The following GRID2 variants were observed in gnomAD, a reference collection of about 807,000 sequenced individuals.
GRID2 encodes the protein glutamate receptor ionotropic, delta-2.
A neutral mutation model predicts 114.8 loss-of-function variants in GRID2; 33 were observed. The ratio of observed to expected loss-of-function variants is 0.29; its 90% CI spans 0.22 to 0.38. The LOEUF is 0.38. Ranked by LOEUF, GRID2 falls within the 10% of genes least tolerant of loss-of-function variation. The pLI is 1.00. For missense variants in GRID2, 1,184 were observed against 1,257.7 expected (o/e 0.94, Z 0.89); for synonymous variants, 505 against 449.9 (o/e 1.12, Z -1.55).
intron 4 of GRID2, among the ~76,000 whole-genome samples, chr4:93,145,453 G>GTATT (rs948645585): frequency 7.1e-6 from 1 of 140,270 alleles, no homozygotes; most frequent in South Asian, 2.2e-4. Flanking sequence ...ATTTGTATTT[G>GTATT]TATTTATTTA....
intron 8 of GRID2, among the ~76,000 whole-genome samples, chr4:93,255,828 T>A (rs1036753336): frequency 6.6e-6 from 1 of 152,098 alleles, no homozygotes; most frequent in Admixed American, 6.6e-5. Context: ...TAGACCTTTA[T>A]TCCTTATAAA....
chr4:92,406,067 A>C (rs1731015728), intron 1 of GRID2, among the ~76,000 whole-genome samples: 1 of 152,100 alleles, frequency 6.6e-6, no homozygotes, highest in Non-Finnish European at 1.5e-5. Context: ...TCTCCTCTTC[A>C]CATTTTTCTT....
chr4:92,987,802 C>G (rs1379016524), intron 2 of GRID2, among the ~76,000 whole-genome samples: 1 of 151,902 alleles, frequency 6.6e-6, no homozygotes, highest in Non-Finnish European at 1.5e-5. Flanking sequence ...AATGCCAACT[C>G]TCTCTAATTA....
intron 2 of GRID2, among the ~76,000 whole-genome samples, chr4:92,948,443 C>G (rs1751801238): frequency 6.6e-6 from 1 of 151,720 alleles, no homozygotes; most frequent in African/African-American, 2.4e-5. Context: ...GGGGTAAATA[C>G]ATGCATTATT....
At chr4:93,379,245 A>G (rs1763641974) in intron 8 of GRID2, among the ~76,000 whole-genome samples, 1 of 152,136 alleles carries the variant, frequency 6.6e-6, no homozygotes. Context: ...CAATAAGACA[A>G]GTAATATATT....
intron 2 of GRID2, among the ~76,000 whole-genome samples, chr4:92,986,669 A>G (rs374957607): frequency 6.6e-6 from 1 of 152,310 alleles, no homozygotes; most frequent in East Asian, 1.9e-4. Flanking sequence ...TGAACTGTGC[A>G]CTGTATTTGC....
chr4:92,850,794 A>G (rs1204085051), intron 2 of GRID2, among the ~76,000 whole-genome samples: 2 of 151,928 alleles, frequency 1.3e-5, no homozygotes, highest in Admixed American at 6.6e-5. Context: ...CCCAAGAGCA[A>G]TTTACTTCCT....
At chr4:93,452,861 A>G (rs1360059487) in intron 10 of GRID2, among the ~76,000 whole-genome samples, 1 of 150,682 alleles carries the variant, frequency 6.6e-6, no homozygotes, top group East Asian at 1.9e-4. Flanking sequence ...AAGTTTTAGA[A>G]CTGTCTTTCT....
At chr4:92,896,994 G>C (rs547575547) in intron 2 of GRID2, among the ~76,000 whole-genome samples, 86 of 151,934 alleles carry the variant, frequency 5.7e-4, no homozygotes, top group African/African-American at 2.1e-3. Flanking sequence ...CACCTTCCTC[G>C]GTCTCCCAAA....
intron 8 of GRID2, among the ~76,000 whole-genome samples, chr4:93,388,641 A>G (rs542689195): frequency 1.0e-3 from 155 of 152,314 alleles, no homozygotes; most frequent in African/African-American, 3.7e-3. Flanking sequence ...TTTGGCCTTT[A>G]TCTTGAGAAT....
chr4:92,670,151 G>A (rs1732987596), intron 2 of GRID2, among the ~76,000 whole-genome samples: 1 of 152,076 alleles, frequency 6.6e-6, no homozygotes, highest in Non-Finnish European at 1.5e-5. Context: ...GGAGAGAGTT[G>A]TAGTAGCCTT....
chr4:92,941,520 C>T (rs997384250), intron 2 of GRID2, among the ~76,000 whole-genome samples: 1 of 152,174 alleles, frequency 6.6e-6, no homozygotes, highest in African/African-American at 2.4e-5. Context: ...AAAAAACCAG[C>T]TCCTGGATTC....
intron 2 of GRID2, among the ~76,000 whole-genome samples, chr4:92,854,624 GATGAT>G (rs1744053946): frequency 6.7e-6 from 1 of 150,190 alleles, no homozygotes; most frequent in Admixed American, 6.6e-5. Context: ...ACGTAAACAA[GATGAT>G]ATGAAAGTCA....
chr4:92,798,913 A>G (rs1740019114), intron 2 of GRID2, among the ~76,000 whole-genome samples: 1 of 151,950 alleles, frequency 6.6e-6, no homozygotes, highest in Non-Finnish European at 1.5e-5. Flanking sequence ...AAAATTATGT[A>G]AGTGTATTGG....
intron 2 of GRID2, among the ~76,000 whole-genome samples, chr4:92,739,983 AT>A (rs1347266410): frequency 6.6e-6 from 1 of 152,164 alleles, no homozygotes; most frequent in African/African-American, 2.4e-5. Context: ...ATAGAAGGAT[AT>A]TACTATCCTT....
intron 2 of GRID2, among the ~76,000 whole-genome samples, chr4:92,821,012 G>A (rs1741248532): frequency 6.6e-6 from 1 of 151,888 alleles, no homozygotes; most frequent in Non-Finnish European, 1.5e-5. Context: ...CTTATACATG[G>A]AAGTATGCAT....
At chr4:92,734,718 A>G (rs1736505024) in intron 2 of GRID2, among the ~76,000 whole-genome samples, 1 of 150,460 alleles carries the variant, frequency 6.6e-6, no homozygotes, top group South Asian at 2.1e-4. Flanking sequence ...TTTACAATAT[A>G]TGTATTTTAA....
intron 13 of GRID2, among the ~76,000 whole-genome samples, chr4:93,561,171 T>C (rs1025934709): frequency 6.6e-6 from 1 of 152,132 alleles, no homozygotes; most frequent in Non-Finnish European, 1.5e-5. Flanking sequence ...CGGTTGCTGA[T>C]TGTTGGAGAT....
chr4:92,608,860 T>C (rs1729583940), intron 2 of GRID2, among the ~76,000 whole-genome samples: 1 of 151,840 alleles, frequency 6.6e-6, no homozygotes, highest in Admixed American at 6.6e-5. Flanking sequence ...AATTGGCCAC[T>C]TTGTTAATCG....
Sources: gnomAD v4.1 joint callset for allele counts (sites outside exome capture counted in the v4.1 genomes callset) on GRCh38, gnomAD v4.1.1 for gene constraint, MANE v1.5 for transcripts, NCBI Gene and HGNC (gene_info 2026-07-23, HGNC 2026-07-21) for gene names.